DLG1: variants seen among roughly 807,000 people sequenced by gnomAD.
The protein encoded by DLG1 is disks large homolog 1.
Under a neutral mutation model 123.4 loss-of-function variants are expected in DLG1, and 42 were observed. The ratio of observed to expected loss-of-function variants is 0.34; its 90% CI spans 0.27 to 0.44. The LOEUF is 0.44. Among genes scored for constraint, DLG1 ranks in the 20% least tolerant of loss-of-function variants. The pLI is 1.00. For missense variants in DLG1, 942 were observed against 1,082.6 expected (o/e 0.87, Z 1.82); for synonymous variants, 317 against 356.2 (o/e 0.89, Z 1.24).
At chr3:197,285,103 T>C (rs898982765) in intron 3 of DLG1, among the ~76,000 whole-genome samples, 4 of 152,104 alleles carry the variant, frequency 2.6e-5, no homozygotes, top group African/African-American at 7.2e-5. Flanking sequence ...AATTTTCTTT[T>C]ACATAAAAAT....
intron 4 of DLG1, among the ~76,000 whole-genome samples, chr3:197,250,165 A>C (rs1456760728): frequency 6.6e-6 from 1 of 152,256 alleles, no homozygotes; most frequent in Non-Finnish European, 1.5e-5. Flanking sequence ...TAAAGACTTC[A>C]CCAAAAAAAA....
intron 5 of DLG1, among the ~76,000 whole-genome samples, chr3:197,172,085 A>G (rs1329924020): frequency 1.3e-5 from 2 of 152,196 alleles, no homozygotes; most frequent in Non-Finnish European, 2.9e-5. Flanking sequence ...TACCATATAC[A>G]CTCATACGTC....
At chr3:197,078,665 T>C (rs1327204159) in intron 17 of DLG1, 1 of 152,172 alleles carries the variant, frequency 6.6e-6, no homozygotes, top group East Asian at 1.9e-4. Flanking sequence ...TTTGTTCAAA[T>C]CCAAATTTTA....
chr3:197,212,363 AAAGT>A (rs1388710050), intron 4 of DLG1, among the ~76,000 whole-genome samples: 1 of 152,100 alleles, frequency 6.6e-6, no homozygotes, highest in Non-Finnish European at 1.5e-5. Context: ...CAGGCAAAAG[AAAGT>A]AAAAGTGTAA....
intron 14 of DLG1, among the ~76,000 whole-genome samples, chr3:197,093,854 C>T (rs1276354699): frequency 6.6e-6 from 1 of 152,134 alleles, no homozygotes; most frequent in Non-Finnish European, 1.5e-5. Context: ...CTTGCAATTT[C>T]CCCATCGACA....
At chr3:197,142,932 A>T in intron 6 of DLG1, 164 bp from the exon 7 acceptor site, 2 of 603,586 alleles carry the variant, frequency 3.3e-6, no homozygotes, top group Non-Finnish European at 5.9e-6. Flanking sequence ...CAAGGAATGG[A>T]AAAATACAAA....
At position 197,077,099 on chromosome 3, in the gene DLG1, T is replaced by C. The variant is rs191098281; in HGVS notation, c.1906-414A>G. Reference sequence around the variant, plus strand: ...CATTTTATTCATTATCTTCATTTTATTTTGGCCTGACCACAGTTATTCCTT... The same window carrying C: ...CATTTTATTCATTATCTTCATTTTACTTTGGCCTGACCACAGTTATTCCTT... On this transcript the variant is annotated intron_variant, in intron 17 of 24. Transcript: ENST00000667157. Among the ~76,000 whole-genome samples the C allele has an allele frequency of 9.4e-4, 143 of 152,258 alleles. 1 individual carries two copies. Among genetic ancestry groups the C allele is most frequent in the African/African-American group, 3.1e-3 (129 of 41,562 alleles).
At chr3:197,061,710 T>TCGGA (rs2148840362) in intron 22 of DLG1, among the ~76,000 whole-genome samples, 1 of 152,308 alleles carries the variant, frequency 6.6e-6, no homozygotes, top group East Asian at 1.9e-4. Context: ...TTACACATTT[T>TCGGA]TGGCAGGAAT....
At chr3:197,154,760 A>G (rs950869992) in intron 5 of DLG1, among the ~76,000 whole-genome samples, 1 of 152,160 alleles carries the variant, frequency 6.6e-6, no homozygotes, top group African/African-American at 2.4e-5. Flanking sequence ...AGAGAAATAA[A>G]AATTATAAAA....
At chr3:197,133,853 G>A (rs1783842155) in intron 10 of DLG1, among the ~76,000 whole-genome samples, 1 of 152,212 alleles carries the variant, frequency 6.6e-6, no homozygotes, top group Non-Finnish European at 1.5e-5. Flanking sequence ...GGAGGAAGGT[G>A]TGTCAAACTC....
At chr3:197,047,131 A>C (rs1034898441) in intron 24 of DLG1, among the ~76,000 whole-genome samples, 6 of 152,190 alleles carry the variant, frequency 3.9e-5, no homozygotes, top group African/African-American at 1.4e-4. Context: ...GAATAGTGAA[A>C]TACTAATAAG....
At chr3:197,100,247 T>C (rs888300990) in intron 14 of DLG1, among the ~76,000 whole-genome samples, 1 of 152,230 alleles carries the variant, frequency 6.6e-6, no homozygotes, top group African/African-American at 2.4e-5. Context: ...CTTTGGTTGG[T>C]ATAAGAAGTA....
intron 5 of DLG1, among the ~76,000 whole-genome samples, chr3:197,190,112 A>G (rs1323947595): frequency 1.3e-5 from 2 of 152,226 alleles, no homozygotes; most frequent in Admixed American, 1.3e-4. Context: ...TGGTCAGAAA[A>G]TTAAGGAAGA....
intron 4 of DLG1, among the ~76,000 whole-genome samples, chr3:197,235,383 C>G (rs1460454628): frequency 6.6e-6 from 1 of 152,190 alleles, no homozygotes; most frequent in Non-Finnish European, 1.5e-5. Flanking sequence ...TACTAATCAA[C>G]ACGTGAACAG....
chr3:197,105,480 TATA>T (rs1765836576), intron 13 of DLG1, among the ~76,000 whole-genome samples: 3 of 152,230 alleles, frequency 2.0e-5, no homozygotes, highest in Non-Finnish European at 4.4e-5. Context: ...ATTCTTTTGG[TATA>T]ATAGGAAAGC....
intron 4 of DLG1, among the ~76,000 whole-genome samples, chr3:197,243,983 A>C (rs1372900491): frequency 6.6e-6 from 1 of 152,224 alleles, no homozygotes; most frequent in Non-Finnish European, 1.5e-5. Context: ...ATCAGAGTGC[A>C]AGTGCCGCTC....
intron 4 of DLG1, among the ~76,000 whole-genome samples, chr3:197,258,558 G>GA (rs1561733005): frequency 6.6e-6 from 1 of 152,208 alleles, no homozygotes; most frequent in Non-Finnish European, 1.5e-5. Context: ...ACACAAGTGG[G>GA]AGAGAGGGGA....
At chr3:197,132,071 C>T (rs1324114762) in intron 10 of DLG1, among the ~76,000 whole-genome samples, 1 of 151,916 alleles carries the variant, frequency 6.6e-6, no homozygotes, top group Non-Finnish European at 1.5e-5. Context: ...TCTTGTTTTC[C>T]CTCTTTCATG....
chr3:197,294,379 G>T (rs980415726), intron 3 of DLG1, among the ~76,000 whole-genome samples: 1 of 134,444 alleles, frequency 7.4e-6, no homozygotes, highest in African/African-American at 2.6e-5. Context: ...AGACGCGGTG[G>T]CTCACGCCTG....
Sources: gnomAD v4.1 joint callset for allele counts (sites outside exome capture counted in the v4.1 genomes callset) on GRCh38, gnomAD v4.1.1 for gene constraint, MANE v1.5 for transcripts, NCBI Gene and HGNC (gene_info 2026-07-23, HGNC 2026-07-21) for gene names.